The following TRMT44 variants were observed in gnomAD, a reference collection of about 807,000 sequenced individuals.
The protein encoded by TRMT44 is tRNA methyltransferase 44 homolog, also known as probable tRNA (uracil-O(2)-)-methyltransferase.
In TRMT44, 78 loss-of-function variants were observed where a neutral mutation model predicts 77.3. That is an observed-to-expected ratio of 1.01 (90% CI 0.84 to 1.22). The LOEUF (loss-of-function observed/expected upper bound fraction) is 1.22. Ranked by LOEUF, TRMT44 falls within the 50% of genes most tolerant of loss-of-function variation. TRMT44 has a pLI of 0.00. For synonymous variants in TRMT44, 391 were observed against 383.3 expected, an observed-to-expected ratio of 1.02 and a Z score of -0.23; for missense variants, 1,090 against 964.4, an observed-to-expected ratio of 1.13 and a Z score of -1.73.
the TRMT44 span, among the ~76,000 whole-genome samples, chr4:8,508,411 G>A: frequency 6.6e-6 from 1 of 152,308 alleles, no homozygotes; most frequent in African/African-American, 2.4e-5. Flanking sequence ...TGGGTTATTG[G>A]TTGGGCCTGG....
intron 6 of TRMT44, among the ~76,000 whole-genome samples, chr4:8,460,495 T>C (rs1383202281): frequency 6.6e-6 from 1 of 152,150 alleles, no homozygotes; most frequent in Non-Finnish European, 1.5e-5. Flanking sequence ...TATCATTTCA[T>C]AGAAATAGAA....
At chr4:8,480,124 C>T (rs377365932), downstream of TRMT44, among the ~76,000 whole-genome samples, 1 of 152,174 alleles carries the variant, frequency 6.6e-6, no homozygotes, top group African/African-American at 2.4e-5. Context: ...GGTGAATTCA[C>T]ATGGGTCTGC....
At chr4:8,475,677 G>T in intron 10 of TRMT44, 95 bp from the exon 11 acceptor site, 1 of 1,146,202 alleles carries the variant, frequency 8.7e-7, no homozygotes, top group Non-Finnish European at 1.3e-6. Flanking sequence ...ACCCTGGATT[G>T]GCACCTCCCG....
chr4:8,479,840 AAC>A (rs200906033), downstream of TRMT44, among the ~76,000 whole-genome samples: 456 of 152,304 alleles, frequency 3.0e-3, 2 homozygotes, highest in African/African-American at 7.0e-3. Flanking sequence ...AACAGCTTAA[AAC>A]ACACATCGTA....
At chr4:8,484,785 G>C (rs1167777781) in intron 2 of TRMT44, among the ~76,000 whole-genome samples, 1 of 152,204 alleles carries the variant, frequency 6.6e-6, no homozygotes, top group Non-Finnish European at 1.5e-5. Flanking sequence ...GCAAAACCAG[G>C]TGTCTAAAGG....
chr4:8,492,712 C>T (rs1434114410), intron 2 of TRMT44, among the ~76,000 whole-genome samples: 1 of 152,220 alleles, frequency 6.6e-6, no homozygotes, highest in Non-Finnish European at 1.5e-5. Flanking sequence ...TCAAAGCCAC[C>T]TCTGCTCACT....
At chr4:8,497,135 C>T (rs747363034), downstream of TRMT44, among the ~76,000 whole-genome samples, 49 of 150,040 alleles carry the variant, frequency 3.3e-4, no homozygotes, top group Non-Finnish European at 5.6e-4. Flanking sequence ...TTAGACAACT[C>T]TTCCTTCTCC....
the TRMT44 span, among the ~76,000 whole-genome samples, chr4:8,501,171 C>A: frequency 6.6e-6 from 1 of 152,306 alleles, no homozygotes; most frequent in South Asian, 2.1e-4. The surrounding 1 kb of genome is among the most constrained non-coding windows in gnomAD (Gnocchi z 4.4). Context: ...ATTCCATGTG[C>A]TGGGGATAGA....
chr4:8,490,842 T>G (rs552259320), intron 2 of TRMT44, among the ~76,000 whole-genome samples: 3 of 152,326 alleles, frequency 2.0e-5, no homozygotes, highest in East Asian at 3.9e-4. Flanking sequence ...CCAAGTGGTC[T>G]GTTTTGACAG....
chr4:8,440,865 C>G lies in TRMT44; in HGVS notation c.43C>G (p.Leu15Val). 1 of 1,520,204 alleles carries G rather than the reference C, an allele frequency of 6.6e-7. No homozygotes were observed. Among genetic ancestry groups the G allele is most frequent in the East Asian group, 2.5e-5 (1 of 39,848 alleles). 94.2% of individuals were successfully genotyped at this position (1,520,204 alleles called of 1,614,324 possible). The change falls in exon 1 of 11, where the codon CTT becomes GTT. Residue 15 changes from leucine (L) to valine (V), a missense_variant. Physicochemically the swap from Leu to Val is conservative, Grantham distance 32. Transcript: ENST00000389737. ...TACCGGGATCAGCTACCCAGGCGCG[C>G]TTCTCCCACAGGGCTTCTGGGCTGC... is the stretch of plus-strand genomic sequence containing the variant. ...GRTGISYPGA[L>V]LPQGFWAAVE...
At chr4:8,506,617 G>A in the TRMT44 span, among the ~76,000 whole-genome samples, 2 of 152,338 alleles carry the variant, frequency 1.3e-5, no homozygotes, top group Non-Finnish European at 2.9e-5. Context: ...CGGGCTGGGA[G>A]GTGATGGCTC....
chr4:8,470,881 G>C, intron 9 of TRMT44: 2 of 505,276 alleles, frequency 4.0e-6, no homozygotes, highest in Non-Finnish European at 7.1e-6. Context: ...GTCAGGCTGT[G>C]CCACCTTAGC....
At chr4:8,499,833 G>A in the TRMT44 span, among the ~76,000 whole-genome samples, 1 of 151,794 alleles carries the variant, frequency 6.6e-6, no homozygotes, top group Non-Finnish European at 1.5e-5. Flanking sequence ...GAGTACCCGG[G>A]TGATGAAACA....
intron 9 of TRMT44, among the ~76,000 whole-genome samples, chr4:8,469,467 G>A (rs1454872772): frequency 6.6e-6 from 1 of 152,246 alleles, no homozygotes; most frequent in Non-Finnish European, 1.5e-5. Context: ...TGGTCTGAAA[G>A]TTCCCACGTG....
chr4:8,503,602 G>C, the TRMT44 span, among the ~76,000 whole-genome samples: 1 of 152,210 alleles, frequency 6.6e-6, no homozygotes, highest in African/African-American at 2.4e-5. Flanking sequence ...ACACAGCAAA[G>C]AGTCAGCACC....
chr4:8,489,043 A>C (rs1004461685), intron 2 of TRMT44, among the ~76,000 whole-genome samples: 1 of 152,258 alleles, frequency 6.6e-6, no homozygotes, highest in African/African-American at 2.4e-5. Context: ...GATGTGCAGG[A>C]GTAGCACCAC....
chr4:8,466,294 G>A (rs1009578912), intron 8 of TRMT44, among the ~76,000 whole-genome samples: 2 of 152,210 alleles, frequency 1.3e-5, no homozygotes, highest in Non-Finnish European at 2.9e-5. Context: ...GTGAAGCCTC[G>A]GCTCTGCTGC....
At chr4:8,485,520 T>C (rs138196678) in intron 2 of TRMT44, among the ~76,000 whole-genome samples, 3,304 of 152,246 alleles carry the variant, frequency 0.022, 57 homozygotes, top group African/African-American at 0.05. Context: ...TGGGATGGGA[T>C]ATTGGCATTG....
rs1329186705 is a variant in TRMT44 at position 8,451,399 on chromosome 4, T to A, written c.955-561T>A. On this transcript the variant is annotated intron_variant, in intron 3 of 10. Transcript: ENST00000389737. The surrounding 1 kb of genome is among the most constrained non-coding windows in gnomAD (Gnocchi z 4.1). The stretch of plus-strand genomic sequence containing the variant: ...CATTGGTTTTTCCTGTTTTGCCTAA[T>A]GCCAGTTCTGAACATGACTAATTTT... 6.6e-6 allele frequency among the ~76,000 whole-genome samples: 1 copy of A among 152,276 alleles called. No homozygotes were observed. Among genetic ancestry groups the A allele is most frequent in the African/African-American group, 2.4e-5 (1 of 41,478 alleles).
Sources: gnomAD v4.1 joint callset for allele counts (sites outside exome capture counted in the v4.1 genomes callset) on GRCh38, gnomAD v4.1.1 for gene constraint, Gnocchi (gnomAD v3.1) non-coding constraint, MANE v1.5 for transcripts, NCBI Gene and HGNC (gene_info 2026-07-23, HGNC 2026-07-21) for gene names.